Variants in TARBP1 observed in about 807,000 individuals in gnomAD.
The protein encoded by TARBP1 is tRNA guanosine 2 -O-methyltransferase TARBP1, also known as tRNA (guanosine(18)-2'-O)-methyltransferase TARBP1.
Under a neutral mutation model 178.6 loss-of-function variants are expected in TARBP1, and 144 were observed. The ratio of observed to expected loss-of-function variants is 0.81; its 90% CI spans 0.70 to 0.93. The LOEUF (loss-of-function observed/expected upper bound fraction) is 0.93, where lower values mean the gene tolerates loss of function less well. Among genes scored for constraint, TARBP1 ranks in the 40% least tolerant of loss-of-function variants. The pLI is 0.00. For missense variants in TARBP1, 2,067 were observed against 2,011.7 expected (o/e 1.03, Z -0.53); for synonymous variants, 787 against 781.0 (o/e 1.01, Z -0.13).
At chr1:234,393,605 A>C (rs752785983) in intron 27 of TARBP1, 41 bp downstream of exon 27, 13 of 1,590,560 alleles carry the variant, frequency 8.2e-6, no homozygotes, top group East Asian at 2.2e-5. Flanking sequence ...GTTGAAGACC[A>C]AAAGCTTTCA....
chr1:234,394,967 T>A (rs1192010263), intron 26 of TARBP1, among the ~76,000 whole-genome samples: 1 of 151,634 alleles, frequency 6.6e-6, no homozygotes, highest in Non-Finnish European at 1.5e-5. Flanking sequence ...TGGACGCCTA[T>A]AATCCCAGCA....
chr1:234,465,622 G>GT, intron 5 of TARBP1, 34 bp downstream of exon 5: 1 of 1,470,660 alleles, frequency 6.8e-7, no homozygotes. Flanking sequence ...TGAAATGTAT[G>GT]TATCAAATAC....
At chr1:234,441,166 AAAGT>A (rs1288637530) in intron 12 of TARBP1, among the ~76,000 whole-genome samples, 2 of 152,366 alleles carry the variant, frequency 1.3e-5, no homozygotes, top group Admixed American at 6.5e-5. Context: ...CCTGGGTGAC[AAAGT>A]AAGATCCTGT....
At chr1:234,476,229 C>T (rs553545537) in intron 1 of TARBP1, among the ~76,000 whole-genome samples, 2 of 152,220 alleles carry the variant, frequency 1.3e-5, no homozygotes, top group East Asian at 3.9e-4. Context: ...GAGAGAAAAA[C>T]ATGATGGCAG....
At chr1:234,413,155 T>C (rs1450988862) in intron 22 of TARBP1, among the ~76,000 whole-genome samples, 1 of 152,098 alleles carries the variant, frequency 6.6e-6, no homozygotes, top group Non-Finnish European at 1.5e-5. Context: ...AAGGAGCCAT[T>C]TGGAAGTCCC....
rs760330035 is a variant in TARBP1, at chr1:234,401,282, T to C, written c.3990-20A>G. 33 of 1,588,060 alleles carry C rather than the reference T, an allele frequency of 2.1e-5. No homozygotes were observed. Among genetic ancestry groups the C allele is most frequent in the Non-Finnish European group, 2.6e-5 (30 of 1,159,182 alleles). Reference sequence around the variant, plus strand: ...GCATTCCTAAGGATTAAAAATATGGTATGAGCCACAGACAAATGAAACAAC... The same window carrying C: ...GCATTCCTAAGGATTAAAAATATGGCATGAGCCACAGACAAATGAAACAAC... On this transcript the variant is annotated intron_variant, in intron 24 of 29. Coordinates refer to ENST00000040877, the MANE Select transcript of TARBP1 (RefSeq NM_005646.4).
At chr1:234,407,341 C>CTTTTTTTTCTTTTTTT (rs1661349625) in intron 23 of TARBP1, 1 of 137,060 alleles carries the variant, frequency 7.3e-6, no homozygotes, top group Admixed American at 7.2e-5. Flanking sequence ...CTTGTCCATC[C>CTTTTTTTTCTTTTTTT]TTTTTTTTTT....
Position 234,478,450 on chromosome 1 carries a change from C to T in TARBP1, c.654G>A (p.Gly218=). ...RAVWGGLAAP[G]ASLGSGRVEE... ...CTACGCGGCCGGACCCCAGGGACGC[C>T]CCAGGCGCGGCCAGCCCGCCCCACA... Residue 218 remains glycine, a synonymous_variant, in exon 1 of 30, where the codon GGG becomes GGA. Coordinates refer to ENST00000040877, the MANE Select transcript of TARBP1 (RefSeq NM_005646.4). 7.2e-7 allele frequency: 1 copy of T among 1,388,262 alleles called. No individual in the cohort carries two copies. The highest frequency in any genetic ancestry group is 9.4e-7 in the Non-Finnish European group (1 of 1,067,384). The allele number at this position is 1,388,262 out of a possible 1,614,324, so 86.0% of individuals were successfully genotyped here.
At chr1:234,421,226 C>A (rs898841598) in intron 20 of TARBP1, among the ~76,000 whole-genome samples, 7 of 151,992 alleles carry the variant, frequency 4.6e-5, no homozygotes, top group African/African-American at 1.7e-4. Context: ...GTAGCTGGGA[C>A]TACAGGCGCC....
chr1:234,468,579 A>G (rs1429713975), intron 3 of TARBP1, among the ~76,000 whole-genome samples: 1 of 152,154 alleles, frequency 6.6e-6, no homozygotes, highest in Non-Finnish European at 1.5e-5. Flanking sequence ...GTTTCAACCA[A>G]TTCTTCTCTT....
At position 234,478,878 on chromosome 1, in the gene TARBP1, G is replaced by A. The variant is rs1669853362; in HGVS notation, c.226C>T (p.Leu76=). ...AGYLVPLLRS[L]RGRPAGGPDP... is the part of the protein sequence containing the mutation. ...GGGCCGCCCGCGGGGCGTCCGCGCA[G>A]GCTCCGCAGCAGTGGCACGAGGTAC... Residue 76 remains leucine, a synonymous_variant, in exon 1 of 30, where the codon CTG becomes TTG. Transcript: ENST00000040877. 7.6e-6 allele frequency: 10 copies of A among 1,310,580 alleles called. No homozygotes were observed. Among genetic ancestry groups the A allele is most frequent in the Middle Eastern group, 2.9e-4 (1 of 3,464 alleles). The allele number at this position is 1,310,580 out of a possible 1,614,324, so 81.2% of individuals were successfully genotyped here. A position where few individuals can be genotyped will look rare whatever the true frequency, so the allele number is the denominator to read the frequency against.
intron 14 of TARBP1, 78 bp from the exon 15 acceptor site, chr1:234,430,379 G>C: frequency 7.5e-7 from 1 of 1,325,082 alleles, no homozygotes; most frequent in South Asian, 1.3e-5. Flanking sequence ...CCAGTCTATG[G>C]AAAGCTCAAG....
chr1:234,473,513 T>C (rs977581608), intron 1 of TARBP1, among the ~76,000 whole-genome samples: 6 of 152,174 alleles, frequency 3.9e-5, no homozygotes, highest in Non-Finnish European at 7.3e-5. Context: ...GCACCCTGGG[T>C]GCTGCGACTC....
chr1:234,443,622 G>T (rs4920243), intron 12 of TARBP1, among the ~76,000 whole-genome samples: 45,682 of 151,884 alleles, frequency 0.3, 7,075 homozygotes, highest in Admixed American at 0.41. Flanking sequence ...ACTTCCAAGA[G>T]AATTGAAAGC....
intron 10 of TARBP1, among the ~76,000 whole-genome samples, chr1:234,449,780 T>G (rs1038728874): frequency 1.3e-5 from 2 of 152,300 alleles, no homozygotes; most frequent in Admixed American, 6.5e-5. Flanking sequence ...ACATGTTAAA[T>G]TCGAAGATGC....
chr1:234,470,908 G>A (rs1668984193), intron 3 of TARBP1, among the ~76,000 whole-genome samples: 2 of 152,078 alleles, frequency 1.3e-5, no homozygotes, highest in Admixed American at 6.5e-5. Context: ...AAGCCACCAC[G>A]CCTGGCCCAA....
At chr1:234,393,313 T>C (rs368641814) in intron 28 of TARBP1, 49 bp downstream of exon 28, 2 of 1,400,980 alleles carry the variant, frequency 1.4e-6, no homozygotes, top group South Asian at 4.2e-5. Flanking sequence ...CACGGGTACA[T>C]GTGCGGGCTT....
chr1:234,431,485 T>C (rs953681519), intron 14 of TARBP1, among the ~76,000 whole-genome samples: 10 of 152,260 alleles, frequency 6.6e-5, no homozygotes, highest in Admixed American at 6.5e-5. Context: ...CTTTATCATT[T>C]CCTCCTAGAA....
rs563433336 is a variant in TARBP1, at chr1:234,478,337, C to T, written c.767G>A (p.Gly256Asp). ...GDRARGAREA[G>D]PDARRCWRFW... ...GCGCCAGCAGCGCCGGGCGTCCGGG[C>T]CCGCCTCGCGCGCGCCGCGGGCGCG... Residue 256 changes from glycine (G) to aspartate (D), a missense_variant, in exon 1 of 30, where the codon GGC becomes GAC. By Grantham distance (94) the Gly-to-Asp change is moderately conservative (BLOSUM62 -1). Coordinates refer to ENST00000040877, the MANE Select transcript of TARBP1 (RefSeq NM_005646.4). The T allele has an allele frequency of 9.3e-6, 12 of 1,292,216 alleles. No individual in the cohort carries two copies. Among genetic ancestry groups the T allele is most frequent in the South Asian group, 2.6e-5 (1 of 37,862 alleles). 80.0% of individuals were successfully genotyped at this position (1,292,216 alleles called of 1,614,324 possible). A position where few individuals can be genotyped will look rare whatever the true frequency, so the allele number is the denominator to read the frequency against.
Sources: gnomAD v4.1 joint callset for allele counts (sites outside exome capture counted in the v4.1 genomes callset) on GRCh38, gnomAD v4.1.1 for gene constraint, MANE v1.5 for transcripts, NCBI Gene and HGNC (gene_info 2026-07-23, HGNC 2026-07-21) for gene names.